The following CPS1 variants were observed in gnomAD, a reference collection of about 807,000 sequenced individuals.
CPS1 encodes the protein carbamoyl-phosphate synthase [ammonia], mitochondrial.
In CPS1, 109 loss-of-function variants were observed where a neutral mutation model predicts 174.6. That is an observed-to-expected ratio of 0.62 (90% confidence interval 0.53 to 0.73). The LOEUF (loss-of-function observed/expected upper bound fraction) is 0.73, where lower values mean the gene tolerates loss of function less well. Among genes scored for constraint, CPS1 ranks in the 30% least tolerant of loss-of-function variants. CPS1 has a pLI of 0.00. For missense variants in CPS1, 1,689 were observed against 1,821.9 expected, an observed-to-expected ratio of 0.93 and a Z score of 1.33; for synonymous variants, 637 against 632.0, an observed-to-expected ratio of 1.01 and a Z score of -0.12.
intron 21 of CPS1, among the ~76,000 whole-genome samples, chr2:210,624,263 A>G (rs755826625): frequency 6.6e-6 from 1 of 152,158 alleles, no homozygotes; most frequent in Non-Finnish European, 1.5e-5. Context: ...CAAAACAAAA[A>G]GAAACAACAC....
At chr2:210,605,000 T>C in intron 16 of CPS1, 102 bp from the exon 17 acceptor site, 1 of 1,302,956 alleles carries the variant, frequency 7.7e-7, no homozygotes, top group Non-Finnish European at 1.1e-6. Context: ...GGTTTGAGAG[T>C]TCAGTGCTGA....
intron 21 of CPS1, chr2:210,619,410 T>A (rs757562135): frequency 6.6e-6 from 1 of 151,992 alleles, no homozygotes; most frequent in East Asian, 1.9e-4. Flanking sequence ...CCCAAGAAAA[T>A]TTTTCCTCTT....
At position 210,595,385 on chromosome 2, in the gene CPS1, C is replaced by A; in HGVS notation, c.1264-102C>A. 3.6e-6 allele frequency: 3 copies of A among 826,952 alleles called. No homozygotes were observed. In the South Asian group the frequency reaches 4.0e-5, roughly 11 times the overall value. The allele number at this position is 826,952 out of a possible 1,614,324, so 51.2% of individuals were successfully genotyped here. On this transcript the variant is annotated intron_variant, in intron 12 of 37. Transcript: ENST00000233072. ...TTCATTACATTAGACCTTAGATGAC[C>A]ACATAAACTCAGACAATGTGGTTTG...
rs1701561025 is a variant in CPS1 at position 210,677,124 on chromosome 2, C to T, written c.4392C>T (p.Leu1464=). 6.2e-7 allele frequency: 1 copy of T among 1,613,704 alleles called. No homozygotes were observed. The highest frequency in any genetic ancestry group is 8.5e-7 in the Non-Finnish European group (1 of 1,179,762). The change falls in exon 37 of 38, where the codon CTC becomes CTT. Residue 1464 remains leucine (L), a synonymous_variant. Transcript: ENST00000233072. ...RTAVDSGIPL[L]TNFQVTKLFA... is the part of the protein sequence containing the mutation. The stretch of plus-strand genomic sequence containing the variant: ...CTGTTGATAGTGGAATCCCTCTCCT[C>T]ACTAATTTTCAGGTATAGTCTTTTC...
At chr2:210,677,808 C>A in intron 37 of CPS1, 79 bp from the exon 38 acceptor site, 1 of 1,146,778 alleles carries the variant, frequency 8.7e-7, no homozygotes, top group Non-Finnish European at 1.3e-6. Flanking sequence ...GGGACAGACA[C>A]TTGTGACTTT....
At chr2:210,675,613 ACTATACT>A in intron 35 of CPS1, 108 bp from the exon 36 acceptor site, 1 of 719,294 alleles carries the variant, frequency 1.4e-6, no homozygotes, top group East Asian at 2.7e-5. Flanking sequence ...TATCCATGGC[ACTATACT>A]ACTTCTCATG....
intron 1 of CPS1, among the ~76,000 whole-genome samples, chr2:210,557,086 C>G (rs1227943884): frequency 6.6e-6 from 1 of 151,986 alleles, no homozygotes; most frequent in Non-Finnish European, 1.5e-5. Flanking sequence ...GATGACAATT[C>G]TTGTGAACAT....
In CPS1 at chr2:210,591,876, C is replaced by A; in HGVS notation, c.993C>A (p.Phe331Leu). The A allele has an allele frequency of 6.2e-7, 1 of 1,612,572 alleles. No homozygotes were observed. The highest frequency in any genetic ancestry group is 8.5e-7 in the Non-Finnish European group (1 of 1,179,080). Residue 331 changes from phenylalanine (F) to leucine (L), a missense_variant, in exon 10 of 38, where the codon TTC becomes TTA. Phe to Leu is a conservative substitution (Grantham distance 22). Transcript: ENST00000233072. The stretch of plus-strand genomic sequence containing the variant: ...TGAATATCACAAACAAACAGGCTTT[C>A]ATTACTGCTCAGAATCATGGCTATG... ...PVLNITNKQA[F>L]ITAQNHGYAL...
intron 1 of CPS1, among the ~76,000 whole-genome samples, chr2:210,489,702 T>A (rs1488157182): frequency 6.6e-6 from 1 of 152,012 alleles, no homozygotes; most frequent in Non-Finnish European, 1.5e-5. Flanking sequence ...GGGACTTCAA[T>A]CATACTTGCT....
At chr2:210,669,043 AT>A (rs1206740528) in intron 34 of CPS1, among the ~76,000 whole-genome samples, 1 of 152,146 alleles carries the variant, frequency 6.6e-6, no homozygotes, top group East Asian at 1.9e-4. Context: ...CAGTCAGTTT[AT>A]TTCATAGTAT....
At chr2:210,513,429 T>C (rs1487761854) in intron 1 of CPS1, among the ~76,000 whole-genome samples, 1 of 151,758 alleles carries the variant, frequency 6.6e-6, no homozygotes, top group Admixed American at 6.6e-5. Flanking sequence ...CTGACAGTTA[T>C]GTGGAGCATT....
intron 34 of CPS1, chr2:210,673,339 C>G (rs1315327685): frequency 1.3e-5 from 2 of 152,148 alleles, no homozygotes; most frequent in Admixed American, 1.3e-4. Context: ...TTCATTCTGA[C>G]CACTATCTTG....
At chr2:210,605,969 T>G (rs1243336827) in intron 17 of CPS1, among the ~76,000 whole-genome samples, 1 of 151,682 alleles carries the variant, frequency 6.6e-6, no homozygotes, top group East Asian at 1.9e-4. Flanking sequence ...AATAAAGAGT[T>G]AAGAGGAAAA....
intron 1 of CPS1, among the ~76,000 whole-genome samples, chr2:210,507,743 A>G (rs1281266850): frequency 2.6e-5 from 4 of 152,086 alleles, no homozygotes. Flanking sequence ...CTCTGATAAA[A>G]CAGACTTTAA....
chr2:210,488,020 C>T (rs1475055501), intron 1 of CPS1, among the ~76,000 whole-genome samples: 1 of 152,182 alleles, frequency 6.6e-6, no homozygotes, highest in East Asian at 1.9e-4. Context: ...TCTCTCAGTA[C>T]AACTTACAGG....
At chr2:210,518,501 A>G (rs927652931) in intron 1 of CPS1, among the ~76,000 whole-genome samples, 5 of 152,002 alleles carry the variant, frequency 3.3e-5, no homozygotes, top group African/African-American at 1.2e-4. Context: ...AGTGTCTCCA[A>G]AGGGAATGGC....
chr2:210,594,207 A>G (rs1186599698), intron 11 of CPS1, among the ~76,000 whole-genome samples: 2 of 151,900 alleles, frequency 1.3e-5, no homozygotes, highest in Admixed American at 6.6e-5. Flanking sequence ...TTTGATTTAG[A>G]AGAAACAAAT....
chr2:210,619,728 A>G (rs1413445100), intron 21 of CPS1: 1 of 152,074 alleles, frequency 6.6e-6, no homozygotes, highest in Non-Finnish European at 1.5e-5. Flanking sequence ...AAAAATTCCT[A>G]CTCTACAGTT....
At chr2:210,652,699 T>C (rs7599931) in intron 28 of CPS1, among the ~76,000 whole-genome samples, 1 of 151,962 alleles carries the variant, frequency 6.6e-6, no homozygotes, top group Non-Finnish European at 1.5e-5. Flanking sequence ...TCCAAGTGGA[T>C]ATGATTTAAA....
Sources: gnomAD v4.1 joint callset for allele counts (sites outside exome capture counted in the v4.1 genomes callset) on GRCh38, gnomAD v4.1.1 for gene constraint, MANE v1.5 for transcripts, NCBI Gene and HGNC (gene_info 2026-07-23, HGNC 2026-07-21) for gene names.